The following CYFIP1 variants were observed in gnomAD, a reference collection of about 807,000 sequenced individuals.
The protein encoded by CYFIP1 is cytoplasmic FMR1 interacting protein 1, also known as cytoplasmic FMR1-interacting protein 1.
Under a neutral mutation model 163.5 loss-of-function variants are expected in CYFIP1, and 58 were observed. The observed-to-expected ratio is 0.35, with a 90% confidence interval of 0.29 to 0.44. The LOEUF is 0.44. CYFIP1 is among the 20% of genes least tolerant of loss of function. The pLI, the probability that CYFIP1 is intolerant of heterozygous loss-of-function variation, is 1.00. For missense variants in CYFIP1, 1,338 were observed against 1,653.8 expected (o/e 0.81, Z 3.31); for synonymous variants, 663 against 660.7 (o/e 1.00, Z -0.05).
At chr15:22,913,500 C>G (rs1294674654) in intron 17 of CYFIP1, among the ~76,000 whole-genome samples, 6 of 120,882 alleles carry the variant, frequency 5.0e-5, no homozygotes, top group Non-Finnish European at 9.7e-5. Context: ...TGCACTCCAG[C>G]CTGGGTAACA....
chr15:22,946,640 CA>C (rs878904764), intron 3 of CYFIP1: 208 of 354,300 alleles, frequency 5.9e-4, no homozygotes, highest in South Asian at 8.4e-4. Context: ...GACTCTGTCT[CA>C]AAAAAAAAGC....
In CYFIP1 at chr15:22,944,631, A is replaced by G; in HGVS notation, c.314T>C (p.Val105Ala). The change falls in exon 5 of 31, where the codon GTG becomes GCG. Residue 105 changes from valine (V) to alanine (A), a missense_variant. Val to Ala is a moderately conservative substitution (Grantham distance 64). This residue lies in a region of CYFIP1 where 186 missense variants were observed against 288.3 expected (regional missense o/e 0.65). Transcript: ENST00000617928. Reference protein sequence around the residue: ...QVKCNEQPNRVEIYEKTVEVL... With the variant: ...QVKCNEQPNRAEIYEKTVEVL... Reference sequence around the variant, plus strand: ...CTCCACGGTTTTCTCGTAGATTTCCACTCTGTTAGGCTGCTCGTTACATTT... The same window carrying G: ...CTCCACGGTTTTCTCGTAGATTTCCGCTCTGTTAGGCTGCTCGTTACATTT... 6.2e-7 allele frequency: 1 copy of G among 1,613,784 alleles called. No homozygotes were observed. The highest frequency in any genetic ancestry group is 8.5e-7 in the Non-Finnish European group (1 of 1,179,788).
intron 13 of CYFIP1, among the ~76,000 whole-genome samples, chr15:22,923,939 C>A: frequency 1.3e-5 from 1 of 75,382 alleles, no homozygotes. Context: ...GAGACCTTGT[C>A]TCCAAAAAAA....
At chr15:22,931,282 A>G (rs186318861) in intron 11 of CYFIP1, among the ~76,000 whole-genome samples, 1 of 152,334 alleles carries the variant, frequency 6.6e-6, no homozygotes, top group African/African-American at 2.4e-5. Context: ...CAGACATGCC[A>G]GCAGTGCTGG....
intron 23 of CYFIP1, among the ~76,000 whole-genome samples, chr15:22,884,471 C>T (rs992408621): frequency 2.0e-5 from 3 of 152,180 alleles, no homozygotes; most frequent in African/African-American, 7.2e-5. Flanking sequence ...CCTTTGACTC[C>T]GTGTCTCTCA....
At chr15:22,948,355 G>A (rs987561590) in intron 1 of CYFIP1, among the ~76,000 whole-genome samples, 1 of 152,170 alleles carries the variant, frequency 6.6e-6, no homozygotes, top group Non-Finnish European at 1.5e-5. Flanking sequence ...GCGGCACACA[G>A]GGGGCAGGTC....
Position 22,912,083 on chromosome 15 carries a change from A to G in CYFIP1, c.2082+96T>C, listed in dbSNP as rs1386144569. 1.7e-5 allele frequency: 20 copies of G among 1,148,486 alleles called. 1 individual carries two copies. The highest frequency in any genetic ancestry group is 2.0e-5 in the Non-Finnish European group (16 of 806,640). 71.1% of individuals were successfully genotyped at this position (1,148,486 alleles called of 1,614,324 possible). On this transcript the variant is annotated intron_variant, in intron 18 of 30. Coordinates refer to ENST00000617928, the MANE Select transcript of CYFIP1 (RefSeq NM_014608.6). ...CTTGCTTCGTGGTTTATACTGTCTT[A>G]TATTTTAAAGAAAGTTGAATACTTG...
intron 1 of CYFIP1, among the ~76,000 whole-genome samples, chr15:22,967,752 C>A (rs2062960426): frequency 6.6e-6 from 1 of 152,134 alleles, no homozygotes; most frequent in Non-Finnish European, 1.5e-5. Context: ...GACTGAAATA[C>A]AAGAAGGCCG....
intron 23 of CYFIP1, among the ~76,000 whole-genome samples, chr15:22,891,642 G>A (rs11852574): frequency 0.12 from 17,879 of 152,130 alleles, 2,519 homozygotes; most frequent in African/African-American, 0.34. Flanking sequence ...CGGGAGAGAC[G>A]GGCAGCGTAT....
chr15:22,939,557 TAAAAAAAA>T (rs56068008), intron 6 of CYFIP1, 50 bp from the exon 7 acceptor site: 5 of 286,618 alleles, frequency 1.7e-5, no homozygotes, highest in African/African-American at 9.8e-5. Context: ...GTGCCACATT[TAAAAAAAA>T]AAAAAAAAAA....
chr15:22,947,207 G>A lies in CYFIP1; in HGVS notation c.79C>T (p.Pro27Ser), dbSNP rs1341467731. ...GAGGATGGCGGGGGCTCGATGCAGG[G>A]CTGCTGGTCGGGCAGGGGCAGCTCC... ...LEELPLPDQQ[P>S]CIEPPPSSLL... The change falls in exon 2 of 31, where the codon CCC (proline) becomes TCC (serine). Residue 27 changes from proline to serine, a missense_variant. Pro to Ser is a moderately conservative substitution (Grantham distance 74). Around this residue, in one of 4 missense-constraint regions of CYFIP1, gnomAD observed 186 missense variants for 288.3 expected, o/e 0.65. Coordinates refer to ENST00000617928, the MANE Select transcript of CYFIP1 (RefSeq NM_014608.6). The A allele has an allele frequency of 6.2e-7, 1 of 1,614,042 alleles. No homozygotes were observed. Among genetic ancestry groups the A allele is most frequent in the Non-Finnish European group, 8.5e-7 (1 of 1,179,966 alleles).
chr15:22,917,712 A>T lies in CYFIP1; in HGVS notation c.1674+76T>A. On this transcript the variant is annotated intron_variant, in intron 15 of 30. Coordinates refer to ENST00000617928, the MANE Select transcript of CYFIP1 (RefSeq NM_014608.6). The surrounding 1 kb of genome is among the most constrained non-coding windows in gnomAD (Gnocchi z 4.2). ...GAGGACCTCATTTAACCCGGGCCTC[A>T]CCAGCCCCACCCGCTCACAGCTCAG... 6.7e-7 allele frequency: 1 copy of T among 1,485,180 alleles called. No homozygotes were observed. The highest frequency in any genetic ancestry group is 9.0e-7 in the Non-Finnish European group (1 of 1,115,786). The allele number at this position is 1,485,180 out of a possible 1,614,324, so 92.0% of individuals were successfully genotyped here.
chr15:22,925,919 G>C, intron 13 of CYFIP1, 63 bp downstream of exon 13: 1 of 1,590,022 alleles, frequency 6.3e-7, no homozygotes, highest in Non-Finnish European at 8.6e-7. Flanking sequence ...TTTTGCTTTT[G>C]ACAGAGAAGA....
chr15:22,885,555 ACT>A (rs2059905975), intron 23 of CYFIP1, among the ~76,000 whole-genome samples: 1 of 152,082 alleles, frequency 6.6e-6, no homozygotes, highest in African/African-American at 2.4e-5. Context: ...ACACGGTGAA[ACT>A]CTGTCTCTAC....
chr15:22,970,459 A>T (rs774009863), intron 1 of CYFIP1, among the ~76,000 whole-genome samples: 1 of 152,332 alleles, frequency 6.6e-6, no homozygotes, highest in Non-Finnish European at 1.5e-5. Context: ...ATTCATAGGA[A>T]TCTCCAAGGA....
intron 15 of CYFIP1, 100 bp from the exon 16 acceptor site, chr15:22,916,730 G>A (rs552753682): frequency 8.6e-5 from 138 of 1,613,514 alleles, no homozygotes; most frequent in South Asian, 6.9e-4. Context: ...GCTCCGCTAC[G>A]CCCTGGTCGG....
intron 6 of CYFIP1, among the ~76,000 whole-genome samples, chr15:22,940,350 C>T (rs1299944001): frequency 6.6e-6 from 1 of 152,218 alleles, no homozygotes. Context: ...CCGTGTGCCT[C>T]GCCCACCCTG....
In CYFIP1 at chr15:22,867,375, CTCTT is replaced by C. The variant is rs781327953; in HGVS notation, c.*2649_*2652del. ...AAACTAAGTTACTGAATGAAGGAACCTCTTTCTTACAAAACAAAAAAAAGGGCAG... is the reference window on the plus strand; with the variant it reads ...AAACTAAGTTACTGAATGAAGGAACCTCTTACAAAACAAAAAAAAGGGCAG... On this transcript the variant is annotated 3_prime_UTR_variant, in exon 31 of 31. Transcript: ENST00000617928. The C allele has an allele frequency of 1.0e-5, 4 of 391,318 alleles. No individual in the cohort carries two copies. The highest frequency in any genetic ancestry group is 6.2e-5 in the African/African-American group (3 of 48,420). The allele number at this position is 391,318 out of a possible 1,614,324, so 24.2% of individuals were successfully genotyped here. A position where few individuals can be genotyped will look rare whatever the true frequency, so the allele number is the denominator to read the frequency against.
At chr15:22,916,874 T>A (rs2061004572) in intron 15 of CYFIP1, 2 of 1,551,886 alleles carry the variant, frequency 1.3e-6, no homozygotes, top group Admixed American at 3.9e-5. Flanking sequence ...AAACAAATGA[T>A]GTCTTACCAC....
Sources: allele counts gnomAD v4.1 joint callset (sites outside exome capture counted in the v4.1 genomes callset), GRCh38; gene constraint gnomAD v4.1.1; regional missense constraint gnomAD v4.1.1; non-coding constraint Gnocchi (gnomAD v3.1); transcripts MANE v1.5; gene names NCBI Gene and HGNC (gene_info 2026-07-23, HGNC 2026-07-21).